FKTN: variants seen among roughly 807,000 people sequenced by gnomAD.
The protein encoded by FKTN is fukutin.
FKTN carries 47 observed loss-of-function variants against 58.6 expected under a neutral mutation model. That is an observed-to-expected ratio of 0.80 (90% CI 0.63 to 1.02). The LOEUF (loss-of-function observed/expected upper bound fraction) is 1.02. Among genes scored for constraint, FKTN ranks in the 50% least tolerant of loss-of-function variants. The pLI is 0.00. For missense variants in FKTN, 516 were observed against 537.3 expected (o/e 0.96, Z 0.39); for synonymous variants, 178 against 191.9 (o/e 0.93, Z 0.60).
chr9:105,599,911 C>T (rs572513771), intron 4 of FKTN, among the ~76,000 whole-genome samples: 1 of 151,902 alleles, frequency 6.6e-6, no homozygotes, highest in Admixed American at 6.5e-5. Flanking sequence ...ATAGAATTCA[C>T]CAGTGAACTG....
chr9:105,604,373 TCATGAGAGGAGTGGCAA>T lies in FKTN; in HGVS notation c.530_546del (p.His177LeufsTer10). ...CTCATGCGATCCACTTGGTAGTCTT[TCATGAGAGGAGTGGCAA>T]CTACCTCTGGCACGGCCACTTGAGA... On this transcript the variant is annotated frameshift_variant, in exon 6 of 11. Transcript: ENST00000357998. LOFTEE classifies it high-confidence loss of function. 6.2e-7 allele frequency: 1 copy of T among 1,614,130 alleles called. No individual in the cohort carries two copies. The highest frequency in any genetic ancestry group is 2.2e-5 in the East Asian group (1 of 44,870).
intron 10 of FKTN, among the ~76,000 whole-genome samples, chr9:105,624,865 GA>G (rs1398518950): frequency 1.3e-5 from 2 of 152,200 alleles, no homozygotes; most frequent in Admixed American, 6.5e-5. Flanking sequence ...GTGAGCCCAG[GA>G]ATTAGAAGAC....
intron 8 of FKTN, among the ~76,000 whole-genome samples, chr9:105,616,000 T>C (rs1291493426): frequency 6.6e-6 from 1 of 152,196 alleles, no homozygotes; most frequent in Non-Finnish European, 1.5e-5. Context: ...GATGTAGGCA[T>C]TGTGATGTAG....
chr9:105,621,255 A>C (rs1831886448), intron 10 of FKTN, among the ~76,000 whole-genome samples: 1 of 152,148 alleles, frequency 6.6e-6, no homozygotes, highest in Non-Finnish European at 1.5e-5. Flanking sequence ...TGACCTTAAA[A>C]GGCAGAGAAA....
At chr9:105,631,342 TAAAAG>T (rs1833413174) in intron 10 of FKTN, among the ~76,000 whole-genome samples, 2 of 152,122 alleles carry the variant, frequency 1.3e-5, no homozygotes, top group African/African-American at 4.8e-5. Context: ...AATTAAAAGT[TAAAAG>T]AAGAGAAAAA....
rs1834308173 is a variant in FKTN, at chr9:105,639,910, A to G, written c.*4646A>G. 4.9e-6 allele frequency: 7 copies of G among 1,432,394 alleles called. No homozygotes were observed. Among genetic ancestry groups the G allele is most frequent in the South Asian group, 1.5e-5 (1 of 64,964 alleles). The allele number at this position is 1,432,394 out of a possible 1,614,324, so 88.7% of individuals were successfully genotyped here. On this transcript the variant is annotated 3_prime_UTR_variant, in exon 11 of 11. Coordinates refer to ENST00000357998, the MANE Select transcript of FKTN (RefSeq NM_001079802.2). ...CTTTTTCAATATTCTAGCCTTTCCT[A>G]GATGTAAATCTTTACCTCCTTGTTA... is the stretch of plus-strand genomic sequence containing the variant.
chr9:105,602,807 G>T (rs1477706090), intron 5 of FKTN, among the ~76,000 whole-genome samples: 1 of 151,952 alleles, frequency 6.6e-6, no homozygotes, highest in Admixed American at 6.6e-5. Flanking sequence ...TGATCCACCT[G>T]CCTCAGCCTC....
intron 10 of FKTN, among the ~76,000 whole-genome samples, chr9:105,633,168 CT>C (rs1293032894): frequency 1.3e-5 from 2 of 152,164 alleles, no homozygotes; most frequent in Admixed American, 1.3e-4. Context: ...AGAGAGGTTT[CT>C]GTTAAGTACA....
intron 1 of FKTN, among the ~76,000 whole-genome samples, chr9:105,572,749 C>G (rs545074469): frequency 2.6e-5 from 4 of 152,310 alleles, no homozygotes; most frequent in African/African-American, 7.2e-5. Context: ...TCTCTGACAT[C>G]TGGAAGAAGT....
At chr9:105,572,968 C>T (rs536356849) in intron 1 of FKTN, among the ~76,000 whole-genome samples, 2 of 152,242 alleles carry the variant, frequency 1.3e-5, no homozygotes, top group Admixed American at 6.5e-5. Context: ...GGTGCCGTGG[C>T]TCATGCCTGT....
At chr9:105,614,101 G>A (rs193247434) in intron 7 of FKTN, among the ~76,000 whole-genome samples, 10 of 152,132 alleles carry the variant, frequency 6.6e-5, no homozygotes, top group African/African-American at 2.4e-4. Flanking sequence ...CAGTAGTCAG[G>A]AACCAGAACA....
chr9:105,577,449 T>C (rs1841950586), intron 3 of FKTN, among the ~76,000 whole-genome samples: 1 of 146,524 alleles, frequency 6.8e-6, no homozygotes, highest in Non-Finnish European at 1.5e-5. Flanking sequence ...TTCTTGTTTT[T>C]CTCAGGTTTG....
intron 10 of FKTN, among the ~76,000 whole-genome samples, chr9:105,629,446 A>G (rs572820635): frequency 3.9e-5 from 6 of 152,328 alleles, no homozygotes; most frequent in African/African-American, 7.2e-5. Flanking sequence ...GAAAATTGAA[A>G]CTATAATTTA....
intron 1 of FKTN, among the ~76,000 whole-genome samples, chr9:105,572,337 G>A (rs1392123831): frequency 6.6e-6 from 1 of 151,852 alleles, no homozygotes; most frequent in African/African-American, 2.4e-5. Flanking sequence ...ATTTTAAGAT[G>A]GTAAAGACAT....
In FKTN at chr9:105,610,081, T is replaced by G. The variant is rs539076759; in HGVS notation, c.780+2130T>G. Among the ~76,000 whole-genome samples, 38 of 152,268 alleles carry G rather than the reference T, an allele frequency of 2.5e-4. 1 individual carries two copies. Among genetic ancestry groups the G allele is most frequent in the African/African-American group, 8.9e-4 (37 of 41,512 alleles). The stretch of plus-strand genomic sequence containing the variant: ...TGTTCCATATTTGGCCAGTAGAAAC[T>G]CCTTCATAATGCTTTCTGTGTCCTT... On this transcript the variant is annotated intron_variant, in intron 7 of 10. Coordinates refer to ENST00000357998, the MANE Select transcript of FKTN (RefSeq NM_001079802.2).
chr9:105,615,181 G>T (rs1000285197), intron 7 of FKTN, 97 bp from the exon 8 acceptor site: 1 of 1,354,588 alleles, frequency 7.4e-7, no homozygotes, highest in Non-Finnish European at 1.0e-6. Context: ...ACTGTGCCCA[G>T]CCTGGGGTTA....
intron 1 of FKTN, among the ~76,000 whole-genome samples, chr9:105,568,338 C>T (rs2131854790): frequency 6.6e-6 from 1 of 152,226 alleles, no homozygotes; most frequent in Non-Finnish European, 1.5e-5. Flanking sequence ...AAGAAACTAC[C>T]ATCAGAGTGA....
chr9:105,572,941 A>T (rs1841005820), intron 1 of FKTN, among the ~76,000 whole-genome samples: 1 of 152,166 alleles, frequency 6.6e-6, no homozygotes, highest in African/African-American at 2.4e-5. Context: ...CCCGTTTAGA[A>T]AAGTAGATGA....
At chr9:105,561,136 T>C (rs1232891741) in intron 1 of FKTN, among the ~76,000 whole-genome samples, 1 of 149,774 alleles carries the variant, frequency 6.7e-6, no homozygotes, top group Admixed American at 6.6e-5. Context: ...AGCCGGACAG[T>C]GTCTCATGCC....
Sources: allele counts gnomAD v4.1 joint callset (sites outside exome capture counted in the v4.1 genomes callset), GRCh38; gene constraint gnomAD v4.1.1; transcripts MANE v1.5; gene names NCBI Gene and HGNC (gene_info 2026-07-23, HGNC 2026-07-21).